ENDOV: variants seen among roughly 807,000 people sequenced by gnomAD.
ENDOV encodes the protein endonuclease V, also known as hEndoV.
A neutral mutation model predicts 39.4 loss-of-function variants in ENDOV; 37 were observed. The ratio of observed to expected loss-of-function variants is 0.94; its 90% CI spans 0.72 to 1.23. ENDOV has a LOEUF of 1.23. Ranked by LOEUF, ENDOV falls within the 50% of genes most tolerant of loss-of-function variation. The probability of loss-of-function intolerance (pLI) is 0.00; values close to 1 mark genes in which losing one functional copy is unlikely to be tolerated. For synonymous variants in ENDOV, 186 were observed against 163.4 expected, an observed-to-expected ratio of 1.14 and a Z score of -1.05; for missense variants, 441 against 375.7, an observed-to-expected ratio of 1.17 and a Z score of -1.44.
At chr17:80,423,787 T>C in intron 5 of ENDOV, 155 bp downstream of exon 5, 1 of 716,248 alleles carries the variant, frequency 1.4e-6, no homozygotes, top group South Asian at 1.9e-5. Flanking sequence ...CCTGCTTTCC[T>C]CTGGGTGCTG....
At chr17:80,435,231 T>G (rs1314466866) in intron 9 of ENDOV, among the ~76,000 whole-genome samples, 4 of 152,260 alleles carry the variant, frequency 2.6e-5, no homozygotes, top group African/African-American at 9.6e-5. Flanking sequence ...AGTTTTTAAA[T>G]TTGATGAAGT....
At chr17:80,425,711 C>T in intron 7 of ENDOV, 91 bp downstream of exon 7, 1 of 1,513,460 alleles carries the variant, frequency 6.6e-7, no homozygotes, top group Non-Finnish European at 8.8e-7. Context: ...CAGCTGGGGT[C>T]AGAGTGCAGT....
chr17:80,428,540 TG>T, intron 7 of ENDOV, 55 bp from the exon 8 acceptor site: 1 of 1,523,870 alleles, frequency 6.6e-7, no homozygotes, highest in Non-Finnish European at 8.9e-7. Flanking sequence ...CAGCTCCTGG[TG>T]GGAAACTGGT....
rs747412732 is a variant in ENDOV, at chr17:80,429,778, C to G, written c.785C>G (p.Pro262Arg). ...TTTCTCAATGTCATCACCAGGAGCC[C>G]GAAGGCGCAGAGGCCAGTGGCATGC... ...GLPGPPTPRS[P>R]KAQRPVACPK... is the part of the protein sequence containing the mutation. The change falls in exon 9 of 10, where the codon CCG becomes CGG. Residue 262 changes from proline to arginine, a missense_variant. By Grantham distance (103) the Pro-to-Arg change is moderately radical (BLOSUM62 -2). Transcript: ENST00000518137. 2 of 1,599,080 alleles carry G rather than the reference C, an allele frequency of 1.3e-6. No individual in the cohort carries two copies. Among genetic ancestry groups the G allele is most frequent in the Admixed American group, 3.6e-5 (2 of 55,762 alleles).
intron 2 of ENDOV, among the ~76,000 whole-genome samples, chr17:80,420,789 T>C (rs1050061218): frequency 6.6e-6 from 1 of 152,262 alleles, no homozygotes; most frequent in Non-Finnish European, 1.5e-5. Flanking sequence ...GCAGTTCTCC[T>C]GCCTCAGCCT....
At chr17:80,415,377 C>T (rs2144744040) in intron 1 of ENDOV, 127 bp downstream of exon 1, 11 of 1,227,438 alleles carry the variant, frequency 9.0e-6, no homozygotes, top group Admixed American at 2.6e-5. Flanking sequence ...CAAAGCAAAG[C>T]CCAGTTTCCG....
In ENDOV at chr17:80,426,597, G is replaced by A. The variant is rs41300756; in HGVS notation, c.714+977G>A. 3.5e-3 allele frequency among the ~76,000 whole-genome samples: 531 copies of A among 152,348 alleles called. 5 individuals carry two copies. Among genetic ancestry groups the A allele is most frequent in the East Asian group, 0.018 (91 of 5,186 alleles). ...GCCCAGGAGGTCGAGGCTGTAGTGT[G>A]CCCTGATTGGGCCACTGCACTCCAG... On this transcript the variant is annotated intron_variant, in intron 7 of 9. Coordinates refer to ENST00000518137, the MANE Select transcript of ENDOV (RefSeq NM_173627.5).
At chr17:80,422,979 G>A (rs560891293) in intron 4 of ENDOV, among the ~76,000 whole-genome samples, 13 of 152,016 alleles carry the variant, frequency 8.6e-5, no homozygotes, top group South Asian at 6.2e-4. Context: ...GATTTCAGGC[G>A]TGAGCCACCG....
At position 80,436,449 on chromosome 17, in the gene ENDOV, CT is replaced by C; in HGVS notation, c.*307del. Reference sequence around the variant, plus strand: ...TTCATCCAGCTGAAGACGGTCCCTTCTAGTCCTAATTTGTTAAGTGTTTTTA... The same window carrying C: ...TTCATCCAGCTGAAGACGGTCCCTTCAGTCCTAATTTGTTAAGTGTTTTTA... On this transcript the variant is annotated 3_prime_UTR_variant, in exon 10 of 10. Transcript: ENST00000518137. 9.0e-7 allele frequency: 1 copy of C among 1,115,112 alleles called. No individual in the cohort carries two copies. Among genetic ancestry groups the C allele is most frequent in the Non-Finnish European group, 1.2e-6 (1 of 845,738 alleles). 69.1% of individuals were successfully genotyped at this position (1,115,112 alleles called of 1,614,324 possible).
chr17:80,423,418 C>T (rs1342688026), intron 4 of ENDOV, 102 bp from the exon 5 acceptor site: 1 of 1,147,932 alleles, frequency 8.7e-7, no homozygotes. Context: ...CCACAGACCT[C>T]TGCTCACTTA....
intron 3 of ENDOV, 83 bp downstream of exon 3, chr17:80,422,045 C>T: frequency 2.5e-6 from 4 of 1,569,890 alleles, no homozygotes; most frequent in African/African-American, 1.3e-5. Context: ...GCCACCACCA[C>T]AGTGGCAGGG....
chr17:80,431,839 G>A (rs1166636948), intron 9 of ENDOV, among the ~76,000 whole-genome samples: 1 of 152,238 alleles, frequency 6.6e-6, no homozygotes, highest in Admixed American at 6.5e-5. Context: ...CTTGGAAAGG[G>A]AGAGGCAGCA....
intron 2 of ENDOV, chr17:80,419,392 T>C (rs1262336742): frequency 5.3e-6 from 3 of 566,150 alleles, no homozygotes; most frequent in Non-Finnish European, 9.5e-6. Flanking sequence ...TGCCAGATGC[T>C]GAGCCATGGC....
chr17:80,424,388 G>GGAA, intron 5 of ENDOV: 1 of 399,368 alleles, frequency 2.5e-6, no homozygotes, highest in Non-Finnish European at 4.4e-6. Context: ...GCCACAGGAA[G>GGAA]GAAGCGGGCT....
intron 5 of ENDOV, chr17:80,424,278 G>A (rs1171453609): frequency 1.8e-5 from 7 of 399,176 alleles, no homozygotes; most frequent in Admixed American, 4.4e-5. Flanking sequence ...AAAATCTGTT[G>A]AGTTGATGGG....
chr17:80,429,976 C>T (rs2083206367), intron 9 of ENDOV, 145 bp downstream of exon 9: 2 of 1,546,424 alleles, frequency 1.3e-6, no homozygotes, highest in African/African-American at 2.7e-5. Context: ...CCCGTTCTGG[C>T]CTCAGGACAC....
At chr17:80,417,074 T>C (rs988940333) in intron 2 of ENDOV, 3 of 152,174 alleles carry the variant, frequency 2.0e-5, no homozygotes, top group African/African-American at 7.2e-5. Context: ...TCTTAGAACA[T>C]TGAAGTGCCC....
At chr17:80,431,562 C>CTTG (rs2083329679) in intron 9 of ENDOV, among the ~76,000 whole-genome samples, 1 of 152,212 alleles carries the variant, frequency 6.6e-6, no homozygotes, top group Admixed American at 6.5e-5. Context: ...CCATCGGCAA[C>CTTG]GCTGGCCGGA....
At chr17:80,424,964 A>G in intron 5 of ENDOV, 68 bp from the exon 6 acceptor site, 4 of 1,360,720 alleles carry the variant, frequency 2.9e-6, no homozygotes, top group Non-Finnish European at 4.1e-6. Flanking sequence ...CAAAAAATAG[A>G]GACTTGCCTT....
Sources: gnomAD v4.1 joint callset for allele counts (sites outside exome capture counted in the v4.1 genomes callset) on GRCh38, gnomAD v4.1.1 for gene constraint, MANE v1.5 for transcripts, NCBI Gene and HGNC (gene_info 2026-07-23, HGNC 2026-07-21) for gene names.